Variants in GPHN observed in about 807,000 individuals in gnomAD.
The protein encoded by GPHN is gephyrin.
In GPHN, 17 loss-of-function variants were observed where a neutral mutation model predicts 95.5. That is an observed-to-expected ratio of 0.18 (90% CI 0.12 to 0.27). The LOEUF (loss-of-function observed/expected upper bound fraction) is 0.27. Ranked by LOEUF, GPHN falls within the 10% of genes least tolerant of loss-of-function variation. The probability of loss-of-function intolerance (pLI) is 1.00; values close to 1 mark genes in which losing one functional copy is unlikely to be tolerated. For synonymous variants in GPHN, 320 were observed against 322.5 expected (o/e 0.99, Z 0.08); for missense variants, 660 against 978.1 (o/e 0.67, Z 4.34).
the GPHN span, among the ~76,000 whole-genome samples, chr14:67,508,753 C>CAAAAAAAA: frequency 1.0e-3 from 49 of 46,676 alleles, 3 homozygotes; most frequent in Admixed American, 1.5e-3. Flanking sequence ...AACCTTGTCT[C>CAAAAAAAA]AAAAAAAAAA....
the GPHN span, among the ~76,000 whole-genome samples, chr14:67,324,954 G>A: frequency 7.0e-6 from 1 of 141,948 alleles, no homozygotes. Flanking sequence ...ACCCAGGCTG[G>A]AGTGCAGTAG....
At chr14:66,534,938 C>T (rs2059085669) in intron 1 of GPHN, among the ~76,000 whole-genome samples, 1 of 152,108 alleles carries the variant, frequency 6.6e-6, no homozygotes, top group East Asian at 1.9e-4. Context: ...TCATTTCACT[C>T]TCTTAATAGT....
intron 10 of GPHN, among the ~76,000 whole-genome samples, chr14:67,039,214 G>A (rs1038379453): frequency 2.0e-4 from 31 of 151,960 alleles, no homozygotes; most frequent in Admixed American, 8.5e-4. Flanking sequence ...GGGCAATTTC[G>A]CATTCTCTAA....
At chr14:67,247,128 A>G in the GPHN span, among the ~76,000 whole-genome samples, 1 of 152,264 alleles carries the variant, frequency 6.6e-6, no homozygotes, top group African/African-American at 2.4e-5. Flanking sequence ...TTTAGAGATC[A>G]ACCTGAAGAT....
At chr14:66,971,842 T>G (rs2069808259) in intron 9 of GPHN, among the ~76,000 whole-genome samples, 1 of 152,060 alleles carries the variant, frequency 6.6e-6, no homozygotes, top group South Asian at 2.1e-4. Context: ...TGACATATTT[T>G]GTTATATTAT....
At chr14:66,815,569 A>G (rs2060928894) in intron 3 of GPHN, among the ~76,000 whole-genome samples, 1 of 152,218 alleles carries the variant, frequency 6.6e-6, no homozygotes, top group Non-Finnish European at 1.5e-5. Flanking sequence ...ACTAAACTTC[A>G]TAAGCAAAGG....
At chr14:67,225,926 AGTGTGTGTGTGTGTGT>A in the GPHN span, among the ~76,000 whole-genome samples, 1 of 136,720 alleles carries the variant, frequency 7.3e-6, no homozygotes, top group African/African-American at 2.7e-5. Context: ...TAATGCTGTG[AGTGTGTGTGTGTGTGT>A]GTGTGTGTGT....
At chr14:67,611,451 G>T in the GPHN span, among the ~76,000 whole-genome samples, 4 of 151,708 alleles carry the variant, frequency 2.6e-5, no homozygotes, top group African/African-American at 9.7e-5. Context: ...ATTTTTAGTA[G>T]AGATGGGGTT....
the GPHN span, among the ~76,000 whole-genome samples, chr14:67,622,513 TAAC>T: frequency 6.6e-6 from 1 of 152,244 alleles, no homozygotes; most frequent in South Asian, 2.1e-4. Flanking sequence ...GTCATTTTAA[TAAC>T]TCTCCAAGTT....
intron 4 of GPHN, among the ~76,000 whole-genome samples, chr14:66,842,079 C>T (rs1187121690): frequency 6.7e-6 from 1 of 148,652 alleles, no homozygotes; most frequent in Non-Finnish European, 1.5e-5. Context: ...CCCCCCCAGC[C>T]CCGCCCAAAA....
At chr14:67,604,551 A>G in the GPHN span, among the ~76,000 whole-genome samples, 1 of 136,392 alleles carries the variant, frequency 7.3e-6, no homozygotes, top group African/African-American at 2.6e-5. Flanking sequence ...AACAAAAAAC[A>G]AAAAGCTGGG....
At chr14:66,662,852 A>G (rs1428185892) in intron 1 of GPHN, among the ~76,000 whole-genome samples, 2 of 152,240 alleles carry the variant, frequency 1.3e-5, no homozygotes, top group East Asian at 3.8e-4. Context: ...ATAGCAGAAT[A>G]GACCAAGTGG....
chr14:67,729,693 CCTT>C, the GPHN span: 4 of 558,774 alleles, frequency 7.2e-6, no homozygotes, highest in East Asian at 4.1e-5. Context: ...TCGTTTTTCT[CCTT>C]CTTTAAGCTT....
chr14:66,629,156 AAT>A (rs1201044971), intron 1 of GPHN, among the ~76,000 whole-genome samples: 12 of 110,822 alleles, frequency 1.1e-4, no homozygotes, highest in Non-Finnish European at 1.8e-4. Flanking sequence ...TACATATATA[AAT>A]ATGTATATAA....
At chr14:66,964,373 A>G (rs1198720632) in intron 8 of GPHN, among the ~76,000 whole-genome samples, 1 of 152,182 alleles carries the variant, frequency 6.6e-6, no homozygotes, top group Non-Finnish European at 1.5e-5. Context: ...GTAGCAATTC[A>G]AAAGGTATAT....
At chr14:67,144,232 G>A (rs546455433) in intron 18 of GPHN, among the ~76,000 whole-genome samples, 62 of 56,198 alleles carry the variant, frequency 1.1e-3, no homozygotes, top group African/African-American at 8.3e-3. Context: ...GCAAGACCCT[G>A]TCTTAAAAAA....
the GPHN span, among the ~76,000 whole-genome samples, chr14:67,708,199 G>T: frequency 6.6e-6 from 1 of 152,066 alleles, no homozygotes; most frequent in Non-Finnish European, 1.5e-5. Flanking sequence ...TAGCTTAAAA[G>T]AAAAGTTTTC....
intron 1 of GPHN, among the ~76,000 whole-genome samples, chr14:66,651,217 G>T (rs1040630053): frequency 2.0e-5 from 3 of 152,086 alleles, no homozygotes; most frequent in Non-Finnish European, 2.9e-5. Context: ...ACACAGAAAG[G>T]GTCCCAAAAC....
chr14:66,808,794 C>T (rs979364634), intron 3 of GPHN, among the ~76,000 whole-genome samples: 1 of 152,160 alleles, frequency 6.6e-6, no homozygotes, highest in Admixed American at 6.5e-5. Flanking sequence ...GAGACTTCAT[C>T]TCAAAAAATA....
Sources: allele counts gnomAD v4.1 joint callset (sites outside exome capture counted in the v4.1 genomes callset), GRCh38; gene constraint gnomAD v4.1.1; transcripts MANE v1.5; gene names NCBI Gene and HGNC (gene_info 2026-07-23, HGNC 2026-07-21).